TEAD1: variants seen among roughly 807,000 people sequenced by gnomAD.
TEAD1 encodes transcriptional enhancer factor TEF-1.
In TEAD1, 9 loss-of-function variants were observed where a neutral mutation model predicts 54.9. The ratio of observed to expected loss-of-function variants is 0.16; its 90% confidence interval spans 0.10 to 0.29. The LOEUF is 0.29. Among genes scored for constraint, TEAD1 ranks in the 10% least tolerant of loss-of-function variants. The probability of loss-of-function intolerance (pLI) is 1.00; values close to 1 mark genes in which losing one functional copy is unlikely to be tolerated. For synonymous variants in TEAD1, 200 were observed against 187.8 expected, an observed-to-expected ratio of 1.07 and a Z score of -0.53; for missense variants, 387 against 535.9, an observed-to-expected ratio of 0.72 and a Z score of 2.74.
At chr11:12,796,151 G>A (rs529604136) in intron 3 of TEAD1, among the ~76,000 whole-genome samples, 1 of 152,136 alleles carries the variant, frequency 6.6e-6, no homozygotes, top group Non-Finnish European at 1.5e-5. Flanking sequence ...TATAGCAAAG[G>A]AGACCACAGT....
Position 12,807,318 on chromosome 11 carries a change from C to T in TEAD1, c.202+42884C>T, listed in dbSNP as rs577804100. Among the ~76,000 whole-genome samples, 36 of 152,270 alleles carry T rather than the reference C, an allele frequency of 2.4e-4. No homozygotes were observed. The South Asian group carries it at 5.0e-3, about 21-fold the overall frequency. ...CGCTCAAATACAGTCTTTCAGGAAA[C>T]GAATTCTCTGTAGGATACCTTAAAA... On this transcript the variant is annotated intron_variant, in intron 3 of 12. Coordinates refer to ENST00000527636, the MANE Select transcript of TEAD1 (RefSeq NM_021961.6).
chr11:12,909,351 G>A (rs1948577846), intron 10 of TEAD1, among the ~76,000 whole-genome samples: 1 of 152,108 alleles, frequency 6.6e-6, no homozygotes, highest in Non-Finnish European at 1.5e-5. Flanking sequence ...GCCATAAAAA[G>A]GAATGAGATC....
chr11:12,798,887 C>G (rs189718005), intron 3 of TEAD1, among the ~76,000 whole-genome samples: 1 of 152,194 alleles, frequency 6.6e-6, no homozygotes, highest in African/African-American at 2.4e-5. Context: ...GCTCAGTCCA[C>G]GAATTGGTTT....
chr11:12,794,069 A>G (rs1049656454), intron 3 of TEAD1, among the ~76,000 whole-genome samples: 3 of 152,246 alleles, frequency 2.0e-5, no homozygotes, highest in African/African-American at 7.2e-5. Flanking sequence ...TGCTTTGGCT[A>G]ACTCTGATAG....
At chr11:12,891,934 C>A (rs1418556211) in intron 9 of TEAD1, among the ~76,000 whole-genome samples, 1 of 152,140 alleles carries the variant, frequency 6.6e-6, no homozygotes, top group Non-Finnish European at 1.5e-5. Context: ...GCCTGGTGTT[C>A]TGGCCCTTAT....
chr11:12,918,343 T>TTA (rs978302567), intron 10 of TEAD1, among the ~76,000 whole-genome samples: 13 of 150,142 alleles, frequency 8.7e-5, no homozygotes, highest in Middle Eastern at 3.5e-3. Context: ...ATCTTGATAA[T>TTA]TATATATATA....
At chr11:12,781,895 G>A (rs1282911921) in intron 3 of TEAD1, among the ~76,000 whole-genome samples, 3 of 141,302 alleles carry the variant, frequency 2.1e-5, no homozygotes, top group Non-Finnish European at 4.6e-5. Context: ...TGGGCAGATC[G>A]TGTGAGTCTA....
chr11:12,796,254 G>T (rs2133968755), intron 3 of TEAD1, among the ~76,000 whole-genome samples: 1 of 152,236 alleles, frequency 6.6e-6, no homozygotes, highest in Non-Finnish European at 1.5e-5. Context: ...CATGAAAGGT[G>T]GTGTGGAGAT....
intron 3 of TEAD1, among the ~76,000 whole-genome samples, chr11:12,766,103 A>G (rs1260562309): frequency 6.6e-6 from 1 of 152,250 alleles, no homozygotes; most frequent in Non-Finnish European, 1.5e-5. Context: ...AATTTAAAAC[A>G]AAGGCATAGT....
At chr11:12,700,479 C>T (rs1344276249) in intron 2 of TEAD1, among the ~76,000 whole-genome samples, 2 of 152,294 alleles carry the variant, frequency 1.3e-5, no homozygotes, top group African/African-American at 4.8e-5. Flanking sequence ...CATAAACATA[C>T]AGTACATTCT....
intron 2 of TEAD1, among the ~76,000 whole-genome samples, chr11:12,732,434 A>T (rs60268638): frequency 6.6e-6 from 1 of 152,146 alleles, no homozygotes; most frequent in African/African-American, 2.4e-5. Flanking sequence ...TATTTTTTTG[A>T]TTTAACTCTG....
intron 2 of TEAD1, among the ~76,000 whole-genome samples, chr11:12,702,385 CT>C (rs1943722335): frequency 6.6e-6 from 1 of 152,208 alleles, no homozygotes; most frequent in Admixed American, 6.5e-5. Flanking sequence ...ACCACTCCCT[CT>C]TTATAGCTTC....
chr11:12,812,936 TAGC>T (rs1946335271), intron 3 of TEAD1, among the ~76,000 whole-genome samples: 1 of 152,226 alleles, frequency 6.6e-6, no homozygotes, highest in Admixed American at 6.5e-5. Flanking sequence ...GCTAATGTGG[TAGC>T]AGCCTCCTGG....
At chr11:12,847,163 A>G (rs190260802) in intron 3 of TEAD1, among the ~76,000 whole-genome samples, 2 of 152,280 alleles carry the variant, frequency 1.3e-5, no homozygotes, top group South Asian at 2.1e-4. Context: ...CCATGATGTC[A>G]TATATTCAGA....
intron 2 of TEAD1, among the ~76,000 whole-genome samples, chr11:12,676,028 A>G (rs1311197060): frequency 6.6e-6 from 1 of 152,216 alleles, no homozygotes; most frequent in Non-Finnish European, 1.5e-5. Flanking sequence ...TGAGCCCTGG[A>G]AACTTAGAGA....
At position 12,722,659 on chromosome 11, in the gene TEAD1, T is replaced by C. The variant is rs530570812; in HGVS notation, c.-54-41520T>C. 4.8e-3 allele frequency among the ~76,000 whole-genome samples: 734 copies of C among 152,016 alleles called. 7 individuals are homozygous for C. Among genetic ancestry groups the C allele is most frequent in the African/African-American group, 0.017 (704 of 41,490 alleles). On this transcript the variant is annotated intron_variant, in intron 2 of 12. Coordinates refer to ENST00000527636, the MANE Select transcript of TEAD1 (RefSeq NM_021961.6). The stretch of plus-strand genomic sequence containing the variant: ...GATTTCTCTCTCTTTCTTTTTTTTT[T>C]TTTTTCACAAAAATACACTATAACC...
At chr11:12,843,845 T>C (rs564226594) in intron 3 of TEAD1, among the ~76,000 whole-genome samples, 6 of 152,232 alleles carry the variant, frequency 3.9e-5, no homozygotes, top group Admixed American at 1.3e-4. Context: ...CTGTGGTCAC[T>C]TTTTTGTTAT....
intron 3 of TEAD1, among the ~76,000 whole-genome samples, chr11:12,797,540 G>T (rs1159263744): frequency 6.6e-6 from 1 of 151,734 alleles, no homozygotes; most frequent in Non-Finnish European, 1.5e-5. Context: ...TTAAGTCTTG[G>T]ATGTGCATGC....
chr11:12,878,858 C>T (rs959858447), intron 5 of TEAD1: 4 of 1,268,428 alleles, frequency 3.2e-6, no homozygotes, highest in South Asian at 1.3e-5. Context: ...TTATGCAATC[C>T]TTTTAACAAA....
Sources: gnomAD v4.1 joint callset for allele counts (sites outside exome capture counted in the v4.1 genomes callset) on GRCh38, gnomAD v4.1.1 for gene constraint, MANE v1.5 for transcripts, NCBI Gene and HGNC (gene_info 2026-07-23, HGNC 2026-07-21) for gene names.